CLDN14: variants seen among roughly 807,000 people sequenced by gnomAD.
The protein encoded by CLDN14 is claudin-14.
Under a neutral mutation model 2.1 loss-of-function variants are expected in CLDN14, and 2 were observed. The ratio of observed to expected loss-of-function variants is 0.96; its 90% CI spans 0.39 to 3.01. CLDN14 has a LOEUF of 3.01. Among genes scored for constraint, CLDN14 ranks in the 30% most tolerant of loss-of-function variants. The pLI is 0.09. For synonymous variants in CLDN14, 136 were observed against 154.4 expected (o/e 0.88, Z 0.88); for missense variants, 298 against 328.0 (o/e 0.91, Z 0.71).
At chr21:36,542,318 C>T (rs1028815266) in intron 1 of CLDN14, among the ~76,000 whole-genome samples, 2 of 152,200 alleles carry the variant, frequency 1.3e-5, no homozygotes, top group African/African-American at 2.4e-5. Context: ...TCACGCTGCC[C>T]GGAAAATTCT....
chr21:36,490,936 A>G (rs2086957181), intron 2 of CLDN14, among the ~76,000 whole-genome samples: 1 of 142,712 alleles, frequency 7.0e-6, no homozygotes, highest in African/African-American at 2.7e-5. Context: ...GGGCACACAC[A>G]TGCAAGTGCA....
At chr21:36,563,655 C>T (rs969427556) in intron 1 of CLDN14, among the ~76,000 whole-genome samples, 51 of 152,176 alleles carry the variant, frequency 3.4e-4, no homozygotes, top group African/African-American at 1.2e-3. Context: ...ATGTAGGAAA[C>T]GATTATTAGA....
intron 1 of CLDN14, among the ~76,000 whole-genome samples, chr21:36,561,295 G>C (rs1211530158): frequency 6.6e-6 from 1 of 152,230 alleles, no homozygotes; most frequent in South Asian, 2.1e-4. Flanking sequence ...GGGTGGTGCT[G>C]GCTGTTCCCC....
rs138073961 is a variant in CLDN14, at chr21:36,469,578, T to C, written c.-81-7802A>G. 5.3e-3 allele frequency among the ~76,000 whole-genome samples: 800 copies of C among 152,304 alleles called. 3 individuals carry two copies. Among genetic ancestry groups the C allele is most frequent in the African/African-American group, 0.014 (577 of 41,568 alleles). ...ATGAATTCCTCCTGTCTCTTTTGGA[T>C]GAAGAAATAAAAATCTATTTTTTTA... On this transcript the variant is annotated intron_variant, in intron 1 of 1. Transcript: ENST00000399135.
intron 2 of CLDN14, among the ~76,000 whole-genome samples, chr21:36,487,973 G>GAA: frequency 6.6e-6 from 1 of 152,186 alleles, no homozygotes; most frequent in Non-Finnish European, 1.5e-5. Flanking sequence ...TCAAAAGCAT[G>GAA]AAGTAGAGAC....
chr21:36,477,025 G>A (rs538059096), intron 1 of CLDN14, among the ~76,000 whole-genome samples: 18 of 152,318 alleles, frequency 1.2e-4, no homozygotes, highest in African/African-American at 4.3e-4. Flanking sequence ...AGAGTACCAG[G>A]CCCTGTAGGT....
intron 1 of CLDN14, among the ~76,000 whole-genome samples, chr21:36,538,983 AG>A (rs2087456147): frequency 6.6e-6 from 1 of 152,176 alleles, no homozygotes; most frequent in Non-Finnish European, 1.5e-5. Context: ...CTTCTCAACT[AG>A]GCCCGGCCAG....
chr21:36,478,546 A>T (rs190754608), intron 1 of CLDN14, among the ~76,000 whole-genome samples: 2 of 152,220 alleles, frequency 1.3e-5, no homozygotes, highest in Non-Finnish European at 2.9e-5. Context: ...GCCCGTCCCC[A>T]ACTCCAGTGA....
chr21:36,540,515 T>C (rs1021004118), intron 1 of CLDN14, among the ~76,000 whole-genome samples: 15 of 152,298 alleles, frequency 9.8e-5, no homozygotes, highest in Non-Finnish European at 1.6e-4. Context: ...AGTTGAATGG[T>C]GGCCTTAACC....
intron 1 of CLDN14, among the ~76,000 whole-genome samples, chr21:36,546,195 A>G (rs1361150683): frequency 1.3e-5 from 2 of 152,202 alleles, no homozygotes; most frequent in Non-Finnish European, 2.9e-5. Context: ...ACTAAATTGC[A>G]TGTTAGTCTT....
chr21:36,496,436 C>CAAAA (rs60272055), intron 2 of CLDN14, among the ~76,000 whole-genome samples: 1 of 95,490 alleles, frequency 1.0e-5, no homozygotes, highest in Non-Finnish European at 2.0e-5. Flanking sequence ...GACCTTGTTT[C>CAAAA]AAAAAAAAAA....
At chr21:36,475,510 C>A (rs533302268) in intron 1 of CLDN14, among the ~76,000 whole-genome samples, 1 of 152,340 alleles carries the variant, frequency 6.6e-6, no homozygotes, top group South Asian at 2.1e-4. Context: ...TCCTCTCCCC[C>A]ACCCGGTGAT....
At chr21:36,509,096 C>T (rs1182246667) in intron 2 of CLDN14, among the ~76,000 whole-genome samples, 1 of 152,194 alleles carries the variant, frequency 6.6e-6, no homozygotes, top group Non-Finnish European at 1.5e-5. Context: ...ATAGTTTAAA[C>T]AGTGTCAAAT....
At chr21:36,564,264 G>A (rs1056986681) in intron 1 of CLDN14, among the ~76,000 whole-genome samples, 1 of 152,210 alleles carries the variant, frequency 6.6e-6, no homozygotes, top group South Asian at 2.1e-4. Context: ...CCTAACTTAG[G>A]TGTAATCACC....
chr21:36,571,420 C>A (rs2087709631), intron 1 of CLDN14, among the ~76,000 whole-genome samples: 1 of 152,194 alleles, frequency 6.6e-6, no homozygotes, highest in Non-Finnish European at 1.5e-5. Context: ...CATACAATGT[C>A]ATGTGGAGGT....
intron 1 of CLDN14, among the ~76,000 whole-genome samples, chr21:36,534,667 A>G (rs1477002127): frequency 6.6e-6 from 1 of 152,166 alleles, no homozygotes; most frequent in Admixed American, 6.5e-5. Flanking sequence ...TGTGCCAGAC[A>G]TTCTACTCCA....
At chr21:36,487,848 C>G (rs570345809) in intron 2 of CLDN14, 1 of 152,136 alleles carries the variant, frequency 6.6e-6, no homozygotes, top group Non-Finnish European at 1.5e-5. Flanking sequence ...CTCAGGACAC[C>G]GGAAGATTTA....
intron 1 of CLDN14, among the ~76,000 whole-genome samples, chr21:36,575,759 C>T (rs2087737485): frequency 6.6e-6 from 1 of 152,184 alleles, no homozygotes; most frequent in Non-Finnish European, 1.5e-5. Context: ...TGTCATTCCT[C>T]TGGATTTATA....
At chr21:36,560,502 T>G (rs2087626677) in intron 1 of CLDN14, among the ~76,000 whole-genome samples, 2 of 152,196 alleles carry the variant, frequency 1.3e-5, no homozygotes, top group Non-Finnish European at 2.9e-5. Flanking sequence ...TAAGTGCATA[T>G]CATGTGATTT....
Sources: gnomAD v4.1 joint callset for allele counts (sites outside exome capture counted in the v4.1 genomes callset) on GRCh38, gnomAD v4.1.1 for gene constraint, MANE v1.5 for transcripts, NCBI Gene and HGNC (gene_info 2026-07-23, HGNC 2026-07-21) for gene names.